PHF3: variants seen among roughly 807,000 people sequenced by gnomAD.
PHF3 encodes the protein PHD finger protein 3.
PHF3 carries 41 observed loss-of-function variants against 178.4 expected under a neutral mutation model. That is an observed-to-expected ratio of 0.23 (90% CI 0.18 to 0.30). PHF3 has a LOEUF of 0.30. Ranked by LOEUF, PHF3 falls within the 10% of genes least tolerant of loss-of-function variation. PHF3 has a pLI of 1.00. For synonymous variants in PHF3, 842 were observed against 800.5 expected (o/e 1.05, Z -0.88); for missense variants, 2,346 against 2,398.1 (o/e 0.98, Z 0.45).
rs183007403 is a variant in PHF3 at position 63,640,084 on chromosome 6, A to G, written c.-26+3934A>G. ...TTGATATCTTCTTTTTACCAGATAC[A>G]TTTAGAAAAGTTATGATCCTTGCTT... On this transcript the variant is annotated intron_variant, in intron 1 of 15. Coordinates refer to ENST00000262043, the MANE Select transcript of PHF3 (RefSeq NM_001370348.2). Among the ~76,000 whole-genome samples, 341 of 152,306 alleles carry G rather than the reference A, an allele frequency of 2.2e-3. 1 individual carries two copies. Among genetic ancestry groups the G allele is most frequent in the Non-Finnish European group, 3.7e-3 (249 of 68,006 alleles).
At chr6:63,661,610 G>A (rs1180216032) in intron 2 of PHF3, among the ~76,000 whole-genome samples, 3 of 151,878 alleles carry the variant, frequency 2.0e-5, no homozygotes, top group African/African-American at 7.3e-5. Context: ...GTATTACAGG[G>A]GCTAACATCA....
At chr6:63,708,020 C>A (rs1767768861) in intron 13 of PHF3, among the ~76,000 whole-genome samples, 1 of 151,954 alleles carries the variant, frequency 6.6e-6, no homozygotes, top group Admixed American at 6.6e-5. Flanking sequence ...ATGTGTGCTA[C>A]CACACCTGGC....
Position 63,723,726 on chromosome 6 carries a change from AC to A in PHF3, c.*10019del, listed in dbSNP as rs1768498815. On this transcript the variant is annotated 3_prime_UTR_variant, in exon 16 of 16. Coordinates refer to ENST00000262043, the MANE Select transcript of PHF3 (RefSeq NM_001370348.2). Reference sequence around the variant, plus strand: ...GCTGTATTAGCTTAAAAAATCATAGACTTTTAAATTTCATTGCGTTAGGATA... The same window carrying A: ...GCTGTATTAGCTTAAAAAATCATAGATTTTAAATTTCATTGCGTTAGGATA... 6.6e-6 allele frequency among the ~76,000 whole-genome samples: 1 copy of A among 151,584 alleles called. No individual in the cohort carries two copies. The highest frequency in any genetic ancestry group is 1.5e-5 in the Non-Finnish European group (1 of 67,904).
At chr6:63,688,090 A>C (rs866082680) in intron 4 of PHF3, among the ~76,000 whole-genome samples, 48 of 149,574 alleles carry the variant, frequency 3.2e-4, no homozygotes, top group Admixed American at 1.6e-3. Flanking sequence ...AGGCTGAGGC[A>C]GGGGAATGGC....
At chr6:63,698,102 T>C in intron 6 of PHF3, 121 bp from the exon 7 acceptor site, 1 of 730,174 alleles carries the variant, frequency 1.4e-6, no homozygotes. Flanking sequence ...ATATGGATTG[T>C]GGGTTCTGAT....
chr6:63,665,486 G>GTTTT lies in PHF3; in HGVS notation c.245-14499_245-14496dup, dbSNP rs11427203. ...CTGTTTCGCTTTGTGGTTTTTTTTT[G>GTTTT]TTTTTTTTTTTTTTTTTTGAGACAG... On this transcript the variant is annotated intron_variant, in intron 2 of 15. Coordinates refer to ENST00000262043, the MANE Select transcript of PHF3 (RefSeq NM_001370348.2). Among the ~76,000 whole-genome samples, 521 of 111,202 alleles carry GTTTT rather than the reference G, an allele frequency of 4.7e-3. 34 individuals carry two copies. The highest frequency in any genetic ancestry group is 0.015 in the African/African-American group (416 of 28,302). The allele number at this position is 111,202 out of a possible 152,430, so 73.0% of individuals were successfully genotyped here.
chr6:63,698,161 C>A, intron 6 of PHF3, 62 bp from the exon 7 acceptor site: 2 of 1,327,558 alleles, frequency 1.5e-6, no homozygotes, highest in Non-Finnish European at 2.1e-6. Context: ...TAAACTTATT[C>A]ATTAAAAAGG....
rs34644326 is a variant in PHF3, at chr6:63,712,963, G to C, written c.5375G>C (p.Ser1792Thr). The stretch of plus-strand genomic sequence containing the variant: ...TCCAGAAGCACCAGCCCCAGAACAA[G>C]TACAAACTTTTCACCCATGAGGCCA... ...FTSRSTSPRT[S>T]TNFSPMRPQQ... The change falls in exon 16 of 16, where the codon AGT (serine) becomes ACT (threonine). Residue 1792 changes from serine to threonine, a missense_variant. Transcript: ENST00000262043. 2.6e-3 allele frequency: 4,212 copies of C among 1,613,922 alleles called. 88 individuals carry two copies. In the African/African-American group the frequency reaches 0.049, roughly 19 times the overall value.
chr6:63,705,424 C>T (rs999300163), intron 11 of PHF3, among the ~76,000 whole-genome samples: 1 of 152,214 alleles, frequency 6.6e-6, no homozygotes, highest in African/African-American at 2.4e-5. Context: ...ACTGCCTGAG[C>T]TCCGCCTCCT....
At chr6:63,638,147 CTTT>C (rs1764427348) in intron 1 of PHF3, among the ~76,000 whole-genome samples, 1 of 152,040 alleles carries the variant, frequency 6.6e-6, no homozygotes, top group African/African-American at 2.4e-5. Flanking sequence ...AGGAATTTGT[CTTT>C]AATCATTTCA....
intron 2 of PHF3, among the ~76,000 whole-genome samples, chr6:63,655,468 C>T (rs1055386720): frequency 2.0e-5 from 3 of 152,088 alleles, no homozygotes; most frequent in Non-Finnish European, 4.4e-5. Context: ...CCACCTTAGC[C>T]CCCCAAAGTG....
intron 1 of PHF3, chr6:63,636,776 C>G (rs2149530996): frequency 6.6e-6 from 1 of 152,280 alleles, no homozygotes; most frequent in Admixed American, 6.5e-5. Flanking sequence ...AGCCTAGACT[C>G]TTGCCTTCCG....
At chr6:63,673,441 A>T (rs1017543975) in intron 2 of PHF3, among the ~76,000 whole-genome samples, 1 of 152,134 alleles carries the variant, frequency 6.6e-6, no homozygotes, top group Non-Finnish European at 1.5e-5. Context: ...TTAAAAAAAA[A>T]AATCACCGTT....
At chr6:63,642,415 C>T (rs1213372319) in intron 1 of PHF3, among the ~76,000 whole-genome samples, 11 of 152,102 alleles carry the variant, frequency 7.2e-5, no homozygotes, top group African/African-American at 2.4e-4. Context: ...GTGAGTTTTT[C>T]GACTTTCAGA....
chr6:63,683,341 T>G (rs1337510947), intron 3 of PHF3, among the ~76,000 whole-genome samples: 1 of 152,076 alleles, frequency 6.6e-6, no homozygotes, highest in African/African-American at 2.4e-5. Flanking sequence ...TCTTTTTAGC[T>G]CTTTTCATTT....
intron 2 of PHF3, among the ~76,000 whole-genome samples, chr6:63,661,453 A>G (rs1765462190): frequency 6.6e-6 from 1 of 152,240 alleles, no homozygotes; most frequent in African/African-American, 2.4e-5. Context: ...GTAAAAACAA[A>G]TTTAGTATCT....
intron 2 of PHF3, chr6:63,679,098 G>GT (rs144676369): frequency 0.031 from 4,231 of 137,672 alleles, 83 homozygotes; most frequent in South Asian, 0.069. Flanking sequence ...TGATAAAGGT[G>GT]TTTTTTTTTT....
Position 63,712,598 on chromosome 6 carries a change from A to T in PHF3, c.5010A>T (p.Gly1670=). 2 of 1,613,944 alleles carry T rather than the reference A, an allele frequency of 1.2e-6. No homozygotes were observed. The highest frequency in any genetic ancestry group is 1.7e-6 in the Non-Finnish European group (2 of 1,179,938). The part of the protein sequence containing the change: ...QPVTTSESKD[G]DSCRNGEKHM... ...TAACTACTTCAGAAAGCAAAGATGG[A>T]GATAGTTGCCGGAATGGAGAAAAAC... Residue 1670 remains glycine, a synonymous_variant, in exon 16 of 16, where the codon GGA becomes GGT. Transcript: ENST00000262043.
In PHF3 at chr6:63,712,221, G is replaced by A. The variant is rs1767974277; in HGVS notation, c.4633G>A (p.Val1545Ile). The change falls in exon 16 of 16, where the codon GTA becomes ATA. Residue 1545 changes from valine to isoleucine, a missense_variant. Coordinates refer to ENST00000262043, the MANE Select transcript of PHF3 (RefSeq NM_001370348.2). Reference sequence around the variant, plus strand: ...GTCAGCAGAAATAGAAACATCAGTAGTAGGGTCCTCTTCCATTTCTGCAGG... The same window carrying A: ...GTCAGCAGAAATAGAAACATCAGTAATAGGGTCCTCTTCCATTTCTGCAGG... The part of the protein sequence containing the change: ...DKSAEIETSV[V>I]GSSSISAGSL... The A allele has an allele frequency of 1.2e-6, 2 of 1,613,942 alleles. No individual in the cohort carries two copies. Among genetic ancestry groups the A allele is most frequent in the African/African-American group, 1.3e-5 (1 of 74,934 alleles).
Sources: allele counts gnomAD v4.1 joint callset (sites outside exome capture counted in the v4.1 genomes callset), GRCh38; gene constraint gnomAD v4.1.1; transcripts MANE v1.5; gene names NCBI Gene and HGNC (gene_info 2026-07-23, HGNC 2026-07-21).